Variants in TRPC7 observed in about 807,000 individuals in gnomAD.
The protein encoded by TRPC7 is transient receptor potential cation channel subfamily C member 7.
TRPC7 carries 42 observed loss-of-function variants against 90.1 expected under a neutral mutation model. That is an observed-to-expected ratio of 0.47 (90% CI 0.36 to 0.60). The LOEUF (loss-of-function observed/expected upper bound fraction) is 0.60. TRPC7 is among the 20% of genes least tolerant of loss of function. The pLI is 0.00. For missense variants in TRPC7, 955 were observed against 1,112.3 expected, an observed-to-expected ratio of 0.86 and a Z score of 2.01; for synonymous variants, 451 against 436.3, an observed-to-expected ratio of 1.03 and a Z score of -0.42.
intron 3 of TRPC7, among the ~76,000 whole-genome samples, chr5:136,308,434 T>C (rs1011147528): frequency 3.3e-5 from 5 of 152,202 alleles, no homozygotes; most frequent in African/African-American, 1.2e-4. Context: ...ACAACTCTGA[T>C]CTTCTTAAGT....
intron 5 of TRPC7, among the ~76,000 whole-genome samples, chr5:136,252,552 C>T (rs746769932): frequency 3.3e-5 from 5 of 151,640 alleles, no homozygotes; most frequent in African/African-American, 1.2e-4. Context: ...CCCCAGCCTT[C>T]CTCTAAGCCA....
At chr5:136,285,200 G>C (rs1015478633) in intron 3 of TRPC7, among the ~76,000 whole-genome samples, 1 of 152,184 alleles carries the variant, frequency 6.6e-6, no homozygotes, top group East Asian at 1.9e-4. Flanking sequence ...GAAAAGTACA[G>C]TGCCTTAGGA....
intron 5 of TRPC7, among the ~76,000 whole-genome samples, chr5:136,258,454 G>A (rs1756753944): frequency 6.6e-6 from 1 of 152,036 alleles, no homozygotes; most frequent in African/African-American, 2.4e-5. Flanking sequence ...AGAGCCCAGG[G>A]CTCAAGGGGT....
intron 2 of TRPC7, among the ~76,000 whole-genome samples, chr5:136,339,808 G>A (rs1056095886): frequency 8.6e-5 from 13 of 151,518 alleles, no homozygotes; most frequent in African/African-American, 3.2e-4. Context: ...CTTCTGCTCA[G>A]CAGCCTGGTG....
intron 5 of TRPC7, among the ~76,000 whole-genome samples, chr5:136,256,899 A>T (rs1756703599): frequency 6.6e-6 from 1 of 151,968 alleles, no homozygotes; most frequent in Admixed American, 6.6e-5. Context: ...CCAGACATTA[A>T]CCCAAGCACA....
chr5:136,326,875 G>T (rs1452071929), intron 2 of TRPC7, among the ~76,000 whole-genome samples: 1 of 152,208 alleles, frequency 6.6e-6, no homozygotes, highest in African/African-American at 2.4e-5. Flanking sequence ...ACAGGACTTT[G>T]ATGGGGAGAG....
chr5:136,325,258 G>A (rs1759309865), intron 2 of TRPC7, among the ~76,000 whole-genome samples: 1 of 152,240 alleles, frequency 6.6e-6, no homozygotes, highest in African/African-American at 2.4e-5. Context: ...AGTTATGGAA[G>A]AGTGGAGGAC....
intron 3 of TRPC7, among the ~76,000 whole-genome samples, chr5:136,310,703 C>T (rs146862829): frequency 5.9e-5 from 9 of 152,158 alleles, no homozygotes; most frequent in Non-Finnish European, 8.8e-5. Context: ...CAGGTGTGAA[C>T]GCTACTTTGC....
Position 136,213,351 on chromosome 5 carries a change from A to G in TRPC7, c.*84T>C. 4.9e-6 allele frequency: 7 copies of G among 1,441,546 alleles called. No homozygotes were observed. The highest frequency in any genetic ancestry group is 6.6e-6 in the Non-Finnish European group (7 of 1,055,134). 89.3% of individuals were successfully genotyped at this position (1,441,546 alleles called of 1,614,324 possible). On this transcript the variant is annotated 3_prime_UTR_variant, in exon 12 of 12. Transcript: ENST00000513104. Reference sequence around the variant, plus strand: ...CGTGTCCTAGAGGAGTGGGCTGGGGACCCCTCCCCACCAAGGATGGGGGCG... The same window carrying G: ...CGTGTCCTAGAGGAGTGGGCTGGGGGCCCCTCCCCACCAAGGATGGGGGCG...
intron 3 of TRPC7, among the ~76,000 whole-genome samples, chr5:136,289,006 G>A (rs1757835098): frequency 6.6e-6 from 1 of 152,174 alleles, no homozygotes; most frequent in South Asian, 2.1e-4. Context: ...TCAGCCTGAT[G>A]GTTACTGCAA....
At position 136,356,659 on chromosome 5, in the gene TRPC7, C is replaced by T; in HGVS notation, c.729G>A (p.Leu243=). 1.3e-6 allele frequency: 2 copies of T among 1,575,796 alleles called. No individual in the cohort carries two copies. The highest frequency in any genetic ancestry group is 2.3e-5 in the South Asian group (2 of 86,352). Residue 243 remains leucine, a synonymous_variant, in exon 2 of 12, where the codon CTG becomes CTA. Coordinates refer to ENST00000513104, the MANE Select transcript of TRPC7 (RefSeq NM_020389.3). ...GTCTGGCTAACTCGTTGCTGAGCTC[C>T]AGGGCGGTGAGGACAGGGTCTTCGC... is the stretch of plus-strand genomic sequence containing the variant. The part of the protein sequence containing the change: ...LSSEDPVLTA[L]ELSNELARLA...
At chr5:136,299,300 CA>C (rs202095828) in intron 3 of TRPC7, among the ~76,000 whole-genome samples, 1,963 of 104,912 alleles carry the variant, frequency 0.019, 86 homozygotes, top group East Asian at 0.18. Flanking sequence ...AATTCTGTCT[CA>C]AAAAAAAAAA....
chr5:136,362,775 T>C (rs756714672), intron 1 of TRPC7, among the ~76,000 whole-genome samples: 20 of 152,250 alleles, frequency 1.3e-4, no homozygotes, highest in East Asian at 3.9e-4. Context: ...TTGTTTTTTG[T>C]TTTTCTGAGT....
intron 5 of TRPC7, among the ~76,000 whole-genome samples, chr5:136,261,212 A>C (rs1190994173): frequency 6.6e-6 from 1 of 152,236 alleles, no homozygotes; most frequent in Non-Finnish European, 1.5e-5. Flanking sequence ...TAATAATTAA[A>C]GAGCTCCAGA....
At chr5:136,335,227 C>T (rs1759616455) in intron 2 of TRPC7, among the ~76,000 whole-genome samples, 2 of 152,084 alleles carry the variant, frequency 1.3e-5, no homozygotes, top group South Asian at 2.1e-4. Flanking sequence ...TGTATTCTAA[C>T]GAGCTGATTT....
chr5:136,244,193 C>T (rs1756260577), intron 7 of TRPC7, among the ~76,000 whole-genome samples: 1 of 149,096 alleles, frequency 6.7e-6, no homozygotes, highest in South Asian at 2.3e-4. Flanking sequence ...TCCTTCCTCT[C>T]CCTCCTCCTC....
intron 3 of TRPC7, among the ~76,000 whole-genome samples, chr5:136,295,254 G>A (rs901310228): frequency 6.6e-6 from 1 of 151,988 alleles, no homozygotes; most frequent in African/African-American, 2.4e-5. Context: ...AAACCTGCAC[G>A]TTGTGCACAT....
chr5:136,355,809 A>G (rs1381717416), intron 2 of TRPC7, among the ~76,000 whole-genome samples: 1 of 152,184 alleles, frequency 6.6e-6, no homozygotes, highest in Non-Finnish European at 1.5e-5. Flanking sequence ...AAAAGGAAAA[A>G]AAAATTGCTC....
intron 10 of TRPC7, among the ~76,000 whole-genome samples, chr5:136,224,509 C>T (rs1755564754): frequency 6.6e-6 from 1 of 152,088 alleles, no homozygotes; most frequent in African/African-American, 2.4e-5. Context: ...CCATATGTGC[C>T]CAGCAGCTAT....
Sources: gnomAD v4.1 joint callset for allele counts (sites outside exome capture counted in the v4.1 genomes callset) on GRCh38, gnomAD v4.1.1 for gene constraint, MANE v1.5 for transcripts, NCBI Gene and HGNC (gene_info 2026-07-23, HGNC 2026-07-21) for gene names.